Variants in DCC observed in about 807,000 individuals in gnomAD.
The protein encoded by DCC is DCC netrin 1 receptor, also known as netrin receptor DCC.
Under a neutral mutation model 172.5 loss-of-function variants are expected in DCC, and 58 were observed. The ratio of observed to expected loss-of-function variants is 0.34; its 90% CI spans 0.27 to 0.42. The LOEUF (loss-of-function observed/expected upper bound fraction) is 0.42, where lower values mean the gene tolerates loss of function less well. Ranked by LOEUF, DCC falls within the 10% of genes least tolerant of loss-of-function variation. The pLI, the probability that DCC is intolerant of heterozygous loss-of-function variation, is 1.00. For synonymous variants in DCC, 709 were observed against 644.5 expected, an observed-to-expected ratio of 1.10 and a Z score of -1.52; for missense variants, 1,740 against 1,791.0, an observed-to-expected ratio of 0.97 and a Z score of 0.51.
chr18:53,241,900 C>T (rs1215276107), intron 12 of DCC, among the ~76,000 whole-genome samples: 1 of 152,078 alleles, frequency 6.6e-6, no homozygotes, highest in Admixed American at 6.6e-5. Flanking sequence ...AGAAGGTAGT[C>T]CTATAGATCT....
Position 52,643,209 on chromosome 18 carries a change from T to C in DCC, c.92-108845T>C, listed in dbSNP as rs547551746. 3.3e-5 allele frequency among the ~76,000 whole-genome samples: 5 copies of C among 152,286 alleles called. No homozygotes were observed. In the South Asian group the frequency reaches 8.3e-4, roughly 25 times the overall value. On this transcript the variant is annotated intron_variant, in intron 1 of 28. Transcript: ENST00000442544. ...GTGTTTGGTTGTAATTTAAGAAAGA[T>C]TGAATGCTTAAGTTCAGAAGGTTCA...
intron 2 of DCC, among the ~76,000 whole-genome samples, chr18:52,860,339 A>G (rs1469317618): frequency 6.6e-6 from 1 of 152,186 alleles, no homozygotes; most frequent in Non-Finnish European, 1.5e-5. Flanking sequence ...GTGTAGCTTC[A>G]GTGTGCAGAG....
intron 1 of DCC, among the ~76,000 whole-genome samples, chr18:52,559,828 A>G (rs1186580079): frequency 6.6e-6 from 1 of 152,170 alleles, no homozygotes; most frequent in Non-Finnish European, 1.5e-5. Flanking sequence ...GAGAGAGAGA[A>G]AGAGAGAAAA....
Position 53,125,380 on chromosome 18 carries a change from G to A in DCC, c.1262-31976G>A, listed in dbSNP as rs79184785. Among the ~76,000 whole-genome samples, 31 of 152,114 alleles carry A rather than the reference G, an allele frequency of 2.0e-4. 1 individual carries two copies. Among genetic ancestry groups the A allele is most frequent in the Middle Eastern group, 3.4e-3 (1 of 294 alleles). On this transcript the variant is annotated intron_variant, in intron 7 of 28. Transcript: ENST00000442544. Reference sequence around the variant, plus strand: ...TTTAAGTTCTAAGGGCACTCTAAGCGTCATCTTGGCTCTGACACTGCCAAG... The same window carrying A: ...TTTAAGTTCTAAGGGCACTCTAAGCATCATCTTGGCTCTGACACTGCCAAG...
chr18:53,143,243 C>T (rs1473657614), intron 7 of DCC, among the ~76,000 whole-genome samples: 1 of 152,158 alleles, frequency 6.6e-6, no homozygotes, highest in Non-Finnish European at 1.5e-5. Context: ...GCAATCAACT[C>T]TATGACTAAG....
chr18:52,846,441 G>A (rs1254190588), intron 2 of DCC, among the ~76,000 whole-genome samples: 1 of 152,100 alleles, frequency 6.6e-6, no homozygotes, highest in Non-Finnish European at 1.5e-5. Flanking sequence ...TGGGGAGTCT[G>A]AGGTAGGAGG....
At chr18:53,369,515 A>G (rs1338553163) in intron 15 of DCC, among the ~76,000 whole-genome samples, 3 of 151,840 alleles carry the variant, frequency 2.0e-5, no homozygotes, top group African/African-American at 4.8e-5. Context: ...ACTTTCAAGT[A>G]CTATTAGAGT....
chr18:52,967,406 A>T (rs981688864), intron 5 of DCC, among the ~76,000 whole-genome samples: 1 of 152,178 alleles, frequency 6.6e-6, no homozygotes, highest in South Asian at 2.1e-4. Flanking sequence ...CTCAAATGTC[A>T]AAAGTTCTCT....
intron 5 of DCC, among the ~76,000 whole-genome samples, chr18:53,055,688 C>A (rs2144053357): frequency 6.6e-6 from 1 of 152,168 alleles, no homozygotes; most frequent in South Asian, 2.1e-4. Context: ...TCTCAACAAC[C>A]AATCCTATGA....
intron 18 of DCC, among the ~76,000 whole-genome samples, chr18:53,398,493 C>T (rs1221965125): frequency 6.6e-6 from 1 of 152,034 alleles, no homozygotes; most frequent in Non-Finnish European, 1.5e-5. Flanking sequence ...GTTAATAAGA[C>T]CAGCCGGATG....
chr18:52,937,348 A>G (rs1344029787), intron 5 of DCC, among the ~76,000 whole-genome samples: 1 of 152,190 alleles, frequency 6.6e-6, no homozygotes, highest in Non-Finnish European at 1.5e-5. Context: ...CCTTAAAAGC[A>G]ATGGCAAAAA....
chr18:52,572,114 T>A (rs1006719555), intron 1 of DCC, among the ~76,000 whole-genome samples: 1 of 152,138 alleles, frequency 6.6e-6, no homozygotes, highest in African/African-American at 2.4e-5. Context: ...ACATCCAAAG[T>A]CATATTATGT....
chr18:52,772,578 T>C (rs1470118403), intron 2 of DCC, among the ~76,000 whole-genome samples: 3 of 152,184 alleles, frequency 2.0e-5, no homozygotes, highest in African/African-American at 7.2e-5. Context: ...AAAGCACATC[T>C]CTAGGATCAA....
At chr18:53,460,284 T>G (rs1238984044) in intron 24 of DCC, among the ~76,000 whole-genome samples, 30 of 117,190 alleles carry the variant, frequency 2.6e-4, no homozygotes, top group African/African-American at 8.2e-4. Flanking sequence ...GTTTTTTTTT[T>G]TTTTTTTTTT....
Position 53,410,531 on chromosome 18 carries a change from T to C in DCC, c.3015T>C (p.Leu1005=). 1 of 1,607,450 alleles carries C rather than the reference T, an allele frequency of 6.2e-7. No homozygotes were observed. Among genetic ancestry groups the C allele is most frequent in the Non-Finnish European group, 8.5e-7 (1 of 1,173,910 alleles). ...WIMETISGDR[L]THQIMDLNLD... Reference sequence around the variant, plus strand: ...TGGAAACAATCAGTGGTGATAGGCTTACTCATCAAATCATGGATCTCAACC... The same window carrying C: ...TGGAAACAATCAGTGGTGATAGGCTCACTCATCAAATCATGGATCTCAACC... Residue 1005 remains leucine (L), a synonymous_variant, in exon 20 of 29, where the codon CTT becomes CTC. Coordinates refer to ENST00000442544, the MANE Select transcript of DCC (RefSeq NM_005215.4).
rs144938517 is a variant in DCC at position 52,488,780 on chromosome 18, A to C, written c.91+147902A>C. Among the ~76,000 whole-genome samples the C allele has an allele frequency of 5.9e-5, 9 of 152,258 alleles. No individual in the cohort carries two copies. In the East Asian group the frequency reaches 1.7e-3, roughly 29 times the overall value. Reference sequence around the variant, plus strand: ...CAGGAGGCATCTATAAGACTGTTTTATTAAAGCAAGATACTAGGGATCAAA... The same window carrying C: ...CAGGAGGCATCTATAAGACTGTTTTCTTAAAGCAAGATACTAGGGATCAAA... On this transcript the variant is annotated intron_variant, in intron 1 of 28. Transcript: ENST00000442544.
intron 1 of DCC, among the ~76,000 whole-genome samples, chr18:52,670,046 T>G (rs1386619346): frequency 6.6e-6 from 1 of 152,152 alleles, no homozygotes; most frequent in Non-Finnish European, 1.5e-5. Context: ...GAGCCAACAC[T>G]AAGGCTCTGA....
chr18:52,752,319 A>G lies in DCC; in HGVS notation c.357A>G (p.Ala119=), dbSNP rs751425618. 6.2e-7 allele frequency: 1 copy of G among 1,614,228 alleles called. No homozygotes were observed. Among genetic ancestry groups the G allele is most frequent in the South Asian group, 1.1e-5 (1 of 91,086 alleles). The part of the protein sequence containing the change: ...KPDEGLYQCE[A]SLGDSGSIIS... ...ATGAGGGACTTTACCAATGTGAGGC[A>G]TCTTTAGGAGATTCTGGCTCAATTA... Residue 119 remains alanine (A), a synonymous_variant, in exon 2 of 29, where the codon GCA becomes GCG. Coordinates refer to ENST00000442544, the MANE Select transcript of DCC (RefSeq NM_005215.4).
At chr18:52,528,333 G>A (rs778225815) in intron 1 of DCC, among the ~76,000 whole-genome samples, 19 of 152,234 alleles carry the variant, frequency 1.2e-4, no homozygotes, top group South Asian at 1.2e-3. Flanking sequence ...TGTGCCAGAT[G>A]CTTTTTGTTG....
Sources: gnomAD v4.1 joint callset for allele counts (sites outside exome capture counted in the v4.1 genomes callset) on GRCh38, gnomAD v4.1.1 for gene constraint, MANE v1.5 for transcripts, NCBI Gene and HGNC (gene_info 2026-07-23, HGNC 2026-07-21) for gene names.